Variants in EPB41L5 observed in about 807,000 individuals in gnomAD.
EPB41L5 encodes band 4.1-like protein 5.
A neutral mutation model predicts 106.6 loss-of-function variants in EPB41L5; 55 were observed. That is an observed-to-expected ratio of 0.52 (90% CI 0.42 to 0.65). The LOEUF is 0.65. Among genes scored for constraint, EPB41L5 ranks in the 30% least tolerant of loss-of-function variants. The pLI is 0.00. For synonymous variants in EPB41L5, 297 were observed against 306.7 expected (o/e 0.97, Z 0.33); for missense variants, 871 against 882.1 (o/e 0.99, Z 0.16).
intron 20 of EPB41L5, among the ~76,000 whole-genome samples, chr2:120,149,306 C>T (rs1240960837): frequency 7.2e-5 from 11 of 152,110 alleles, no homozygotes; most frequent in African/African-American, 1.9e-4. Flanking sequence ...TACATACAAC[C>T]ACCATCAGTA....
chr2:120,052,950 A>G (rs973929240), intron 3 of EPB41L5, among the ~76,000 whole-genome samples: 1 of 152,202 alleles, frequency 6.6e-6, no homozygotes, highest in Non-Finnish European at 1.5e-5. Flanking sequence ...TATAGAAACC[A>G]GGCTATGATT....
At chr2:120,055,185 A>C (rs563871977) in intron 3 of EPB41L5, among the ~76,000 whole-genome samples, 2 of 152,020 alleles carry the variant, frequency 1.3e-5, no homozygotes, top group African/African-American at 4.8e-5. Context: ...CTTTATGTTG[A>C]TCCTTATGCC....
At chr2:120,105,821 T>C in intron 16 of EPB41L5, 2 of 985,416 alleles carry the variant, frequency 2.0e-6, no homozygotes, top group Non-Finnish European at 2.4e-6. Context: ...TGATTTTTTT[T>C]CTTAAAAGAG....
At position 120,091,535 on chromosome 2, in the gene EPB41L5, T is replaced by G. The variant is rs1285372563; in HGVS notation, c.1044-20T>G. The G allele has an allele frequency of 3.8e-6, 6 of 1,583,058 alleles. No homozygotes were observed. The highest frequency in any genetic ancestry group is 5.2e-6 in the Non-Finnish European group (6 of 1,153,232). ...ACTGTAGACCTAAAATTTCCCTTACTTCTGTTATGCCTCATTTAGTGGGAA... is the reference window on the plus strand; with the variant it reads ...ACTGTAGACCTAAAATTTCCCTTACGTCTGTTATGCCTCATTTAGTGGGAA... On this transcript the variant is annotated intron_variant, in intron 12 of 24. Transcript: ENST00000263713.
At chr2:120,063,942 CA>C (rs576465680) in intron 3 of EPB41L5, among the ~76,000 whole-genome samples, 59 of 130,726 alleles carry the variant, frequency 4.5e-4, no homozygotes, top group Middle Eastern at 3.9e-3. Flanking sequence ...AACTCCATCT[CA>C]AAAAAAAAAA....
intron 20 of EPB41L5, among the ~76,000 whole-genome samples, chr2:120,147,624 C>CAAAAAAAAAAAAAAAAAA (rs60980401): frequency 1.3e-5 from 1 of 75,596 alleles, no homozygotes; most frequent in Non-Finnish European, 2.6e-5. Flanking sequence ...AACTCTGTCT[C>CAAAAAAAAAAAAAAAAAA]AAAAAAAAAA....
chr2:120,065,599 C>G (rs1681393935), intron 3 of EPB41L5, among the ~76,000 whole-genome samples: 1 of 151,428 alleles, frequency 6.6e-6, no homozygotes, highest in African/African-American at 2.4e-5. Flanking sequence ...TCACTGCAAC[C>G]TCTGCCTCCT....
At chr2:120,152,199 C>A (rs1445019897) in intron 20 of EPB41L5, among the ~76,000 whole-genome samples, 1 of 152,042 alleles carries the variant, frequency 6.6e-6, no homozygotes, top group Non-Finnish European at 1.5e-5. Flanking sequence ...AAATTCCATT[C>A]TATTCTGTTT....
chr2:120,111,288 C>G (rs551661350), intron 16 of EPB41L5, among the ~76,000 whole-genome samples: 4 of 152,274 alleles, frequency 2.6e-5, no homozygotes, highest in Admixed American at 2.0e-4. Context: ...TTGGGCATCC[C>G]GAATTTAATA....
At chr2:120,101,270 A>C (rs1684127172) in intron 16 of EPB41L5, among the ~76,000 whole-genome samples, 1 of 152,240 alleles carries the variant, frequency 6.6e-6, no homozygotes, top group Non-Finnish European at 1.5e-5. Flanking sequence ...CATGATTAAA[A>C]TCTGATAAAG....
chr2:120,122,091 G>T (rs1410701400), intron 16 of EPB41L5, among the ~76,000 whole-genome samples: 5 of 152,126 alleles, frequency 3.3e-5, no homozygotes, highest in Non-Finnish European at 7.4e-5. Flanking sequence ...TGTCAGATGG[G>T]TAGATTGCAA....
At chr2:120,159,501 G>A (rs928498188) in intron 20 of EPB41L5, among the ~76,000 whole-genome samples, 3 of 150,572 alleles carry the variant, frequency 2.0e-5, no homozygotes, top group African/African-American at 7.3e-5. Flanking sequence ...TAGATTCAAT[G>A]CTATTTCTGT....
In EPB41L5 at chr2:120,149,134, C is replaced by T. The variant is rs972100216; in HGVS notation, c.1793+2845C>T. 8.6e-5 allele frequency among the ~76,000 whole-genome samples: 13 copies of T among 151,820 alleles called. No homozygotes were observed. In the East Asian group the frequency reaches 9.6e-4, roughly 11 times the overall value. On this transcript the variant is annotated intron_variant, in intron 20 of 24. Transcript: ENST00000263713. ...GGACTAATGATGTTGAACATCCTTT[C>T]GTGTATGTCTATTTGGAGAAATGTC...
chr2:120,048,299 T>C (rs1170074122), intron 3 of EPB41L5, among the ~76,000 whole-genome samples: 1 of 152,198 alleles, frequency 6.6e-6, no homozygotes, highest in East Asian at 1.9e-4. Flanking sequence ...TGGGCTTTTT[T>C]TTGGTTGGTA....
intron 3 of EPB41L5, among the ~76,000 whole-genome samples, chr2:120,063,492 A>G (rs1262968492): frequency 6.6e-6 from 1 of 152,148 alleles, no homozygotes; most frequent in Non-Finnish European, 1.5e-5. Flanking sequence ...TGAATATATA[A>G]CCTACATAAC....
chr2:120,047,391 G>A (rs1461188100), intron 3 of EPB41L5, among the ~76,000 whole-genome samples: 1 of 152,000 alleles, frequency 6.6e-6, no homozygotes, highest in African/African-American at 2.4e-5. Context: ...CTTGTAAGTT[G>A]GATTCCTAGG....
chr2:120,156,210 C>A (rs1044809306), intron 20 of EPB41L5, among the ~76,000 whole-genome samples: 2 of 152,168 alleles, frequency 1.3e-5, no homozygotes, highest in African/African-American at 4.8e-5. Context: ...GAACTGAGCA[C>A]CCCTTGGTCT....
chr2:120,097,714 G>C (rs1683850494), intron 14 of EPB41L5, among the ~76,000 whole-genome samples: 1 of 152,114 alleles, frequency 6.6e-6, no homozygotes, highest in Admixed American at 6.6e-5. Flanking sequence ...AAGCAAAAAT[G>C]GTCAGTTATT....
chr2:120,138,845 A>G (rs1686048670), intron 18 of EPB41L5, among the ~76,000 whole-genome samples: 1 of 152,052 alleles, frequency 6.6e-6, no homozygotes, highest in African/African-American at 2.4e-5. Flanking sequence ...TAAAATTTAT[A>G]TGGAACCACA....
Sources: allele counts gnomAD v4.1 joint callset (sites outside exome capture counted in the v4.1 genomes callset), GRCh38; gene constraint gnomAD v4.1.1; transcripts MANE v1.5; gene names NCBI Gene and HGNC (gene_info 2026-07-23, HGNC 2026-07-21).